The following GPC5 variants were observed in gnomAD, a reference collection of about 807,000 sequenced individuals.
GPC5 encodes the protein glypican 5.
Under a neutral mutation model 53.9 loss-of-function variants are expected in GPC5, and 47 were observed. The observed-to-expected ratio is 0.87, with a 90% CI of 0.69 to 1.11. The LOEUF is 1.11. Among genes scored for constraint, GPC5 ranks in the 50% most tolerant of loss-of-function variants. The probability of loss-of-function intolerance (pLI) is 0.00; values close to 1 mark genes in which losing one functional copy is unlikely to be tolerated. For synonymous variants in GPC5, 286 were observed against 263.3 expected, an observed-to-expected ratio of 1.09 and a Z score of -0.84; for missense variants, 748 against 713.1, an observed-to-expected ratio of 1.05 and a Z score of -0.56.
At chr13:92,659,378 G>A (rs926169479) in intron 7 of GPC5, among the ~76,000 whole-genome samples, 1 of 144,484 alleles carries the variant, frequency 6.9e-6, no homozygotes, top group Non-Finnish European at 1.5e-5. Flanking sequence ...CACTCCCTGG[G>A]TTGCCTTTTC....
intron 5 of GPC5, among the ~76,000 whole-genome samples, chr13:91,869,149 C>T (rs1202054246): frequency 6.6e-6 from 1 of 151,822 alleles, no homozygotes; most frequent in East Asian, 1.9e-4. Context: ...AAGCTCTGCC[C>T]CCTGGGTTCA....
rs9556170 is a variant in GPC5, at chr13:92,357,122, G to A, written c.1561+212133G>A. Among the ~76,000 whole-genome samples, 15 of 151,850 alleles carry A rather than the reference G, an allele frequency of 9.9e-5. No homozygotes were observed. In the East Asian group the frequency reaches 2.3e-3, roughly 23 times the overall value. On this transcript the variant is annotated intron_variant, in intron 7 of 7. Coordinates refer to ENST00000377067, the MANE Select transcript of GPC5 (RefSeq NM_004466.6). ...TTTCTTTATCCAATGTATCATTGAT[G>A]GGCATTTGGATTGATTCCATGTCTT...
At chr13:91,726,723 A>G (rs1232623485) in intron 3 of GPC5, among the ~76,000 whole-genome samples, 1 of 152,130 alleles carries the variant, frequency 6.6e-6, no homozygotes, top group Non-Finnish European at 1.5e-5. Flanking sequence ...TGCGTCTCTG[A>G]AATCCACTCC....
intron 5 of GPC5, among the ~76,000 whole-genome samples, chr13:91,892,711 A>C (rs2039400368): frequency 6.6e-6 from 1 of 151,782 alleles, no homozygotes; most frequent in African/African-American, 2.4e-5. Context: ...ACTTTCTATA[A>C]AATATAGGAA....
chr13:91,532,545 G>T (rs1319029980), intron 2 of GPC5, among the ~76,000 whole-genome samples: 1 of 152,086 alleles, frequency 6.6e-6, no homozygotes, highest in Non-Finnish European at 1.5e-5. Context: ...GAAGAAATTA[G>T]TTGGTAAGGA....
At chr13:91,703,783 A>G (rs1351837428) in intron 3 of GPC5, among the ~76,000 whole-genome samples, 1 of 152,128 alleles carries the variant, frequency 6.6e-6, no homozygotes, top group African/African-American at 2.4e-5. Context: ...GGGATTTTAT[A>G]TAATGGGGAA....
At chr13:91,744,556 A>C (rs1302791979) in intron 4 of GPC5, among the ~76,000 whole-genome samples, 3 of 152,164 alleles carry the variant, frequency 2.0e-5, no homozygotes, top group East Asian at 3.8e-4. Context: ...TAGTCAGATA[A>C]ATTTGTGGGT....
chr13:92,238,647 G>A (rs1220914729), intron 7 of GPC5, among the ~76,000 whole-genome samples: 6 of 150,912 alleles, frequency 4.0e-5, no homozygotes. Flanking sequence ...CCCTTTCTCT[G>A]GGTTAACTTA....
chr13:92,788,508 A>G lies in GPC5; in HGVS notation c.1562-77774A>G, dbSNP rs369883422. ...TCACATATTTGAAAATGAAAAAGAC[A>G]TTATTAAGTACTTAAAATCTAAATT... On this transcript the variant is annotated intron_variant, in intron 7 of 7. Coordinates refer to ENST00000377067, the MANE Select transcript of GPC5 (RefSeq NM_004466.6). Among the ~76,000 whole-genome samples, 10 of 152,316 alleles carry G rather than the reference A, an allele frequency of 6.6e-5. No individual in the cohort carries two copies. In the East Asian group the frequency reaches 1.7e-3, roughly 26 times the overall value.
At chr13:92,816,146 T>C (rs1287891632) in intron 7 of GPC5, among the ~76,000 whole-genome samples, 1 of 152,042 alleles carries the variant, frequency 6.6e-6, no homozygotes, top group Non-Finnish European at 1.5e-5. Flanking sequence ...TCCAAATTGC[T>C]CACATTCAAG....
At chr13:92,410,058 G>T (rs921571206) in intron 7 of GPC5, among the ~76,000 whole-genome samples, 1 of 152,112 alleles carries the variant, frequency 6.6e-6, no homozygotes, top group Non-Finnish European at 1.5e-5. Context: ...TTGATATATC[G>T]CAATGATTCA....
intron 7 of GPC5, among the ~76,000 whole-genome samples, chr13:92,323,483 G>C (rs2043229686): frequency 6.6e-6 from 1 of 151,436 alleles, no homozygotes; most frequent in Admixed American, 6.6e-5. Context: ...ATTTAAAAGA[G>C]CTGGCATGCT....
At chr13:91,928,566 A>C (rs1473529692) in intron 6 of GPC5, among the ~76,000 whole-genome samples, 4 of 152,154 alleles carry the variant, frequency 2.6e-5, no homozygotes, top group Non-Finnish European at 5.9e-5. Context: ...AGCATAAATG[A>C]GGGACAGGAA....
intron 6 of GPC5, among the ~76,000 whole-genome samples, chr13:91,999,068 C>G (rs527270210): frequency 1.1e-4 from 16 of 152,210 alleles, no homozygotes; most frequent in South Asian, 2.1e-4. Flanking sequence ...TCTCTTTAAC[C>G]TGAACTTTAC....
chr13:91,905,550 T>C (rs1044933736), intron 5 of GPC5, among the ~76,000 whole-genome samples: 1 of 152,082 alleles, frequency 6.6e-6, no homozygotes, highest in African/African-American at 2.4e-5. Flanking sequence ...ATCAAAAAGT[T>C]TAATCACTGA....
At chr13:92,264,908 G>C (rs923593930) in intron 7 of GPC5, among the ~76,000 whole-genome samples, 1 of 148,948 alleles carries the variant, frequency 6.7e-6, no homozygotes, top group African/African-American at 2.5e-5. Flanking sequence ...GTGTGTGTGT[G>C]TGTGTGTGTG....
intron 7 of GPC5, among the ~76,000 whole-genome samples, chr13:92,759,938 T>C (rs186508087): frequency 2.2e-3 from 331 of 152,206 alleles, no homozygotes; most frequent in African/African-American, 7.5e-3. Context: ...TGTCAAACTT[T>C]GGTAAATGCT....
intron 2 of GPC5, among the ~76,000 whole-genome samples, chr13:91,671,833 C>A (rs534347222): frequency 7.8e-6 from 1 of 127,434 alleles, no homozygotes; most frequent in African/African-American, 3.0e-5. Flanking sequence ...CGCTACCAGA[C>A]TTCAAACTAT....
intron 2 of GPC5, among the ~76,000 whole-genome samples, chr13:91,684,599 C>T (rs947092746): frequency 6.6e-6 from 1 of 152,168 alleles, no homozygotes; most frequent in Non-Finnish European, 1.5e-5. Context: ...CAGCATACAC[C>T]TCCACCAATA....
Sources: gnomAD v4.1 joint callset for allele counts (sites outside exome capture counted in the v4.1 genomes callset) on GRCh38, gnomAD v4.1.1 for gene constraint, MANE v1.5 for transcripts, NCBI Gene and HGNC (gene_info 2026-07-23, HGNC 2026-07-21) for gene names.